CADM2: variants seen among roughly 807,000 people sequenced by gnomAD.
CADM2 encodes cell adhesion molecule 2, also known as immunoglobulin superfamily member 4D.
In CADM2, 12 loss-of-function variants were observed where a neutral mutation model predicts 49.8. The observed-to-expected ratio is 0.24, with a 90% CI of 0.15 to 0.39. The LOEUF (loss-of-function observed/expected upper bound fraction) is 0.39, where lower values mean the gene tolerates loss of function less well. Among genes scored for constraint, CADM2 ranks in the 10% least tolerant of loss-of-function variants. The pLI, the probability that CADM2 is intolerant of heterozygous loss-of-function variation, is 1.00. For missense variants in CADM2, 378 were observed against 492.3 expected (o/e 0.77, Z 2.20); for synonymous variants, 214 against 175.4 (o/e 1.22, Z -1.74).
At chr3:86,024,986 C>G (rs995327603) in intron 8 of CADM2, among the ~76,000 whole-genome samples, 1 of 151,998 alleles carries the variant, frequency 6.6e-6, no homozygotes, top group Non-Finnish European at 1.5e-5. Flanking sequence ...TCAAGCGATT[C>G]TCATGCCTTG....
intron 5 of CADM2, among the ~76,000 whole-genome samples, chr3:85,905,623 A>T (rs903459049): frequency 2.0e-5 from 3 of 152,156 alleles, no homozygotes; most frequent in Admixed American, 2.0e-4. Flanking sequence ...AAGAAAGAAA[A>T]GAGAGCAGAA....
intron 3 of CADM2, among the ~76,000 whole-genome samples, chr3:85,819,083 C>A (rs148790588): frequency 1.2e-4 from 18 of 152,106 alleles, no homozygotes; most frequent in African/African-American, 4.1e-4. Context: ...GGCCCCAGAA[C>A]CCCTGGCAAA....
intron 3 of CADM2, among the ~76,000 whole-genome samples, chr3:85,816,843 C>T (rs938507141): frequency 2.0e-5 from 3 of 152,118 alleles, no homozygotes; most frequent in Non-Finnish European, 4.4e-5. Flanking sequence ...AGCTACTTTT[C>T]AATGTATTCA....
At chr3:85,200,833 C>T (rs1325783467) in intron 1 of CADM2, among the ~76,000 whole-genome samples, 4 of 152,054 alleles carry the variant, frequency 2.6e-5, no homozygotes, top group Admixed American at 2.6e-4. Context: ...ACTCCAGTTC[C>T]TATAGCAACT....
chr3:85,734,590 C>T (rs1398139991), intron 2 of CADM2, among the ~76,000 whole-genome samples: 1 of 148,630 alleles, frequency 6.7e-6, no homozygotes, highest in Non-Finnish European at 1.5e-5. Flanking sequence ...TACACATACA[C>T]ATATATATAC....
At chr3:86,012,640 C>T in intron 8 of CADM2, 3 of 1,544,928 alleles carry the variant, frequency 1.9e-6, no homozygotes, top group South Asian at 2.3e-5. Flanking sequence ...TCCCGCGGGA[C>T]CCGGCCAGAT....
chr3:85,550,887 C>T (rs941728719), intron 1 of CADM2, among the ~76,000 whole-genome samples: 1 of 152,170 alleles, frequency 6.6e-6, no homozygotes, highest in Non-Finnish European at 1.5e-5. Context: ...GTGTTTTGTA[C>T]ATGGCTTTCC....
intron 1 of CADM2, among the ~76,000 whole-genome samples, chr3:85,354,359 G>A (rs570996521): frequency 3.4e-5 from 4 of 118,160 alleles, no homozygotes; most frequent in Admixed American, 1.9e-4. Flanking sequence ...GTTGTGGGGT[G>A]GGGGGAGGGG....
chr3:84,968,685 T>A (rs2031192655), intron 1 of CADM2, among the ~76,000 whole-genome samples: 1 of 152,012 alleles, frequency 6.6e-6, no homozygotes, highest in African/African-American at 2.4e-5. Context: ...AAAATGTGTA[T>A]CCCCTACCCT....
intron 3 of CADM2, among the ~76,000 whole-genome samples, chr3:85,830,212 C>G (rs2074124157): frequency 6.6e-6 from 1 of 151,868 alleles, no homozygotes; most frequent in South Asian, 2.1e-4. Context: ...TAATAGTCTT[C>G]CTAACATGTA....
intron 1 of CADM2, among the ~76,000 whole-genome samples, chr3:85,501,256 T>C (rs1324157701): frequency 6.6e-6 from 1 of 152,194 alleles, no homozygotes; most frequent in Non-Finnish European, 1.5e-5. Context: ...TGGTATTAAA[T>C]GTCAATGACT....
chr3:85,910,569 A>G (rs916624161), intron 5 of CADM2, among the ~76,000 whole-genome samples: 13 of 152,210 alleles, frequency 8.5e-5, no homozygotes, highest in Middle Eastern at 3.4e-3. Flanking sequence ...ATGAGATGAG[A>G]TATTTCATAG....
chr3:85,347,772 G>A, intron 1 of CADM2, among the ~76,000 whole-genome samples: 1 of 150,706 alleles, frequency 6.6e-6, no homozygotes, highest in Middle Eastern at 3.2e-3. Context: ...CTGCATAGTA[G>A]CTGAGATTAC....
At chr3:85,108,135 G>C (rs950713928) in intron 1 of CADM2, among the ~76,000 whole-genome samples, 2 of 152,090 alleles carry the variant, frequency 1.3e-5, no homozygotes, top group Non-Finnish European at 2.9e-5. Context: ...GTTTCTAGTA[G>C]CATTATTTAC....
intron 1 of CADM2, among the ~76,000 whole-genome samples, chr3:85,390,444 T>G (rs748235164): frequency 6.6e-6 from 1 of 152,056 alleles, no homozygotes; most frequent in African/African-American, 2.4e-5. Context: ...TATCTATATC[T>G]CAGCTTGGCC....
At position 86,069,631 on chromosome 3, in the gene CADM2, C is replaced by T. The variant is rs1442991321; in HGVS notation, c.*2848C>T. ...TGTCTGGAACATGCACACTTGTGTG[C>T]ACATAGAGTCAATTTCTGTCTCTTC... On this transcript the variant is annotated 3_prime_UTR_variant, in exon 10 of 10. Transcript: ENST00000383699. The T allele has an allele frequency of 6.6e-6, 1 of 151,886 alleles. No individual in the cohort carries two copies. Among genetic ancestry groups the T allele is most frequent in the Non-Finnish European group, 1.5e-5 (1 of 67,870 alleles). The allele number at this position is 151,886 out of a possible 1,614,324, so 9.4% of individuals were successfully genotyped here.
In CADM2 at chr3:85,044,387, C is replaced by T. The variant is rs548272897; in HGVS notation, c.61+84719C>T. On this transcript the variant is annotated intron_variant, in intron 1 of 9. Transcript: ENST00000383699. ...CCTCAAAGCAGTTTGGCTTTTCTGC[C>T]AGGTGATGATTTGTTATAGCACTGA... is the stretch of plus-strand genomic sequence containing the variant. Among the ~76,000 whole-genome samples, 219 of 152,182 alleles carry T rather than the reference C, an allele frequency of 1.4e-3. 5 individuals carry two copies. The South Asian group carries it at 0.043, about 30-fold the overall frequency.
intron 1 of CADM2, among the ~76,000 whole-genome samples, chr3:85,286,719 T>C (rs1004225615): frequency 2.6e-5 from 4 of 152,172 alleles, no homozygotes; most frequent in Non-Finnish European, 5.9e-5. Context: ...CATTTGATTA[T>C]GCAAGCCAAA....
At chr3:85,625,690 C>A (rs139922722) in intron 1 of CADM2, among the ~76,000 whole-genome samples, 1 of 151,956 alleles carries the variant, frequency 6.6e-6, no homozygotes, top group Non-Finnish European at 1.5e-5. Flanking sequence ...GGGGAAGGTG[C>A]CTATAATGAA....
Sources: allele counts gnomAD v4.1 joint callset (sites outside exome capture counted in the v4.1 genomes callset), GRCh38; gene constraint gnomAD v4.1.1; transcripts MANE v1.5; gene names NCBI Gene and HGNC (gene_info 2026-07-23, HGNC 2026-07-21).